The following RHBDL2 variants were observed in gnomAD, a reference collection of about 807,000 sequenced individuals.
RHBDL2 encodes the protein rhomboid like 2.
In RHBDL2, 26 loss-of-function variants were observed where a neutral mutation model predicts 31.7. The observed-to-expected ratio is 0.82, with a 90% CI of 0.60 to 1.14. The LOEUF (loss-of-function observed/expected upper bound fraction) is 1.14, where lower values mean the gene tolerates loss of function less well. RHBDL2 is among the 50% of genes most tolerant of loss of function. RHBDL2 has a pLI of 0.00. For synonymous variants in RHBDL2, 123 were observed against 127.2 expected (o/e 0.97, Z 0.22); for missense variants, 336 against 364.4 (o/e 0.92, Z 0.63).
At chr1:38,940,157 T>C (rs1477650456) in intron 1 of RHBDL2, among the ~76,000 whole-genome samples, 4 of 152,158 alleles carry the variant, frequency 2.6e-5, no homozygotes, top group East Asian at 1.9e-4. Context: ...TTAATAATAA[T>C]ATCATAAGAG....
chr1:38,937,502 A>G (rs199704268), intron 1 of RHBDL2, among the ~76,000 whole-genome samples: 1 of 152,134 alleles, frequency 6.6e-6, no homozygotes, highest in East Asian at 1.9e-4. Context: ...AGACAAGCAG[A>G]TGACTTTTAG....
chr1:38,919,749 T>G lies in RHBDL2; in HGVS notation c.-125-412A>C, dbSNP rs549284922. ...TCACCCTCCCTGGCTAATTTTTGTATTTTTAGTAGAGACAGGGTTTCACCA... is the reference window on the plus strand; with the variant it reads ...TCACCCTCCCTGGCTAATTTTTGTAGTTTTAGTAGAGACAGGGTTTCACCA... On this transcript the variant is annotated intron_variant, in intron 1 of 7. Transcript: ENST00000372990. Among the ~76,000 whole-genome samples the G allele has an allele frequency of 2.8e-3, 431 of 152,206 alleles. 2 individuals carry two copies. The highest frequency in any genetic ancestry group is 4.7e-3 in the Admixed American group (72 of 15,264).
At chr1:38,934,444 C>G (rs1011038211) in intron 1 of RHBDL2, among the ~76,000 whole-genome samples, 10 of 151,626 alleles carry the variant, frequency 6.6e-5, no homozygotes, top group African/African-American at 2.4e-4. Context: ...ATCGTGAGGT[C>G]AGGAGTTCGA....
rs1389737901 is a variant in RHBDL2 at position 38,919,086 on chromosome 1, T to C, written c.127A>G (p.Lys43Glu). 2.5e-6 allele frequency: 4 copies of C among 1,614,084 alleles called. No homozygotes were observed. Among genetic ancestry groups the C allele is most frequent in the Non-Finnish European group, 3.4e-6 (4 of 1,180,046 alleles). Residue 43 changes from lysine to glutamate, a missense_variant, in exon 2 of 8, where the codon AAA becomes GAA. Physicochemically the swap from Lys to Glu is moderately conservative, Grantham distance 56. Transcript: ENST00000372990. ...TTTGAGACAATCCTGTGGACCTTTT[T>C]ACTCTTGGCCCGATCTTTACCTCCC... is the stretch of plus-strand genomic sequence containing the variant. ...DGGGKDRAKS[K>E]KVHRIVSKWM...
chr1:38,940,882 A>G (rs920876678), intron 1 of RHBDL2, among the ~76,000 whole-genome samples: 3 of 152,140 alleles, frequency 2.0e-5, no homozygotes, highest in African/African-American at 7.2e-5. Flanking sequence ...GCAAGGTAGC[A>G]AGACCCTGTC....
intron 2 of RHBDL2, among the ~76,000 whole-genome samples, chr1:38,918,120 A>G (rs1464856032): frequency 3.3e-5 from 5 of 152,194 alleles, no homozygotes; most frequent in Non-Finnish European, 1.5e-5. Context: ...CTCCATAATC[A>G]TTTGAGCTAA....
Position 38,918,968 on chromosome 1 carries a change from T to C in RHBDL2, c.245A>G (p.Glu82Gly). Residue 82 changes from glutamate to glycine, a missense_variant and splice_region_variant, in exon 2 of 8, where the codon GAG (glutamate) becomes GGG (glycine). Coordinates refer to ENST00000372990, the MANE Select transcript of RHBDL2 (RefSeq NM_017821.5). ...GTGCCCACCCCGCTCCCCATTCACC[T>C]CGGCCAGGCTGATGGAGATGATGAA... is the stretch of plus-strand genomic sequence containing the variant. ...PVFIISISLA[E>G]LAVFIYYAVW... 1.9e-6 allele frequency: 3 copies of C among 1,610,896 alleles called. No homozygotes were observed. The highest frequency in any genetic ancestry group is 2.5e-6 in the Non-Finnish European group (3 of 1,177,474).
chr1:38,893,291 C>G, intron 5 of RHBDL2, 67 bp from the exon 6 acceptor site: 1 of 710,218 alleles, frequency 1.4e-6, no homozygotes, highest in South Asian at 1.8e-5. Context: ...ACTCTACTCC[C>G]TCTTCATCTG....
At chr1:38,894,879 G>A (rs1034074290) in intron 5 of RHBDL2, among the ~76,000 whole-genome samples, 1 of 151,270 alleles carries the variant, frequency 6.6e-6, no homozygotes, top group Non-Finnish European at 1.5e-5. Flanking sequence ...GCTAATTTTT[G>A]TATTTTTAGT....
intron 4 of RHBDL2, among the ~76,000 whole-genome samples, chr1:38,909,713 GC>G (rs1202826935): frequency 2.0e-5 from 3 of 152,118 alleles, no homozygotes; most frequent in East Asian, 3.9e-4. Context: ...TTGCACTCCA[GC>G]CTGGACGACA....
At chr1:38,931,793 T>C (rs1360427494) in intron 1 of RHBDL2, among the ~76,000 whole-genome samples, 1 of 152,156 alleles carries the variant, frequency 6.6e-6, no homozygotes, top group African/African-American at 2.4e-5. Flanking sequence ...TGTTCCAACA[T>C]AGTATACTGT....
intron 4 of RHBDL2, among the ~76,000 whole-genome samples, chr1:38,897,845 A>G (rs1341269758): frequency 6.6e-6 from 1 of 152,136 alleles, no homozygotes. Context: ...GAAGTAGTCC[A>G]GTAGGCCGGG....
At chr1:38,935,533 C>T (rs754501905) in intron 1 of RHBDL2, among the ~76,000 whole-genome samples, 16 of 152,154 alleles carry the variant, frequency 1.1e-4, no homozygotes, top group Admixed American at 2.6e-4. Flanking sequence ...TTTATAGATT[C>T]GGTATCAGTA....
At chr1:38,898,724 CTAGAGTTTACAAGA>C (rs1447622430) in intron 4 of RHBDL2, among the ~76,000 whole-genome samples, 1 of 152,044 alleles carries the variant, frequency 6.6e-6, no homozygotes, top group Non-Finnish European at 1.5e-5. Context: ...ATCTGGACTG[CTAGAGTTTACAAGA>C]CAGGGTACCA....
intron 1 of RHBDL2, among the ~76,000 whole-genome samples, chr1:38,920,575 C>T (rs1314018429): frequency 4.0e-5 from 6 of 149,674 alleles, no homozygotes; most frequent in Non-Finnish European, 5.9e-5. Flanking sequence ...TCCACCTTTT[C>T]GCTATTGTGA....
chr1:38,911,369 T>C lies in RHBDL2; in HGVS notation c.461A>G (p.His154Arg), dbSNP rs1232909560. 1 of 1,613,966 alleles carries C rather than the reference T, an allele frequency of 6.2e-7. No individual in the cohort carries two copies. The highest frequency in any genetic ancestry group is 8.5e-7 in the Non-Finnish European group (1 of 1,180,010). ...LVLGIPLEMV[H>R]KGLRVGLVYL... ...CACCAGCCCCACACGGAGGCCTTTG[T>C]GGACCATTTCCAAGGGAATACCCAA... Residue 154 changes from histidine (H) to arginine (R), a missense_variant, in exon 4 of 8, where the codon CAC (histidine) becomes CGC (arginine). Coordinates refer to ENST00000372990, the MANE Select transcript of RHBDL2 (RefSeq NM_017821.5).
intron 1 of RHBDL2, among the ~76,000 whole-genome samples, chr1:38,933,880 C>T (rs972257156): frequency 1.3e-5 from 2 of 152,084 alleles, no homozygotes; most frequent in African/African-American, 4.8e-5. Context: ...AAGTGCCCAC[C>T]ACTATGCCCA....
chr1:38,886,362 C>A lies in RHBDL2; in HGVS notation c.*142G>T, dbSNP rs1485306198. ...GTCCTTTTATAGGCAATCTTTGCAACTGATGAGTTTAATGCTGTTTTGTCC... is the reference window on the plus strand; with the variant it reads ...GTCCTTTTATAGGCAATCTTTGCAAATGATGAGTTTAATGCTGTTTTGTCC... On this transcript the variant is annotated 3_prime_UTR_variant, in exon 8 of 8. Coordinates refer to ENST00000372990, the MANE Select transcript of RHBDL2 (RefSeq NM_017821.5). 13 of 490,770 alleles carry A rather than the reference C, an allele frequency of 2.6e-5. No homozygotes were observed. Among genetic ancestry groups the A allele is most frequent in the African/African-American group, 2.4e-4 (12 of 50,346 alleles). 30.4% of individuals were successfully genotyped at this position (490,770 alleles called of 1,614,324 possible).
chr1:38,926,750 G>A (rs991989206), intron 1 of RHBDL2: 1 of 152,496 alleles, frequency 6.6e-6, no homozygotes, highest in African/African-American at 2.4e-5. Flanking sequence ...TGAGGCAGGA[G>A]AATCGCTTGA....
Sources: allele counts gnomAD v4.1 joint callset (sites outside exome capture counted in the v4.1 genomes callset), GRCh38; gene constraint gnomAD v4.1.1; transcripts MANE v1.5; gene names NCBI Gene and HGNC (gene_info 2026-07-23, HGNC 2026-07-21).